Variants in MRI1 observed in about 807,000 individuals in gnomAD.
MRI1 encodes the protein methylthioribose-1-phosphate isomerase.
Under a neutral mutation model 27.3 loss-of-function variants are expected in MRI1, and 32 were observed. That is an observed-to-expected ratio of 1.17 (90% CI 0.88 to 1.57). The LOEUF (loss-of-function observed/expected upper bound fraction) is 1.57. Ranked by LOEUF, MRI1 falls within the 40% of genes most tolerant of loss-of-function variation. The pLI is 0.00. For missense variants in MRI1, 508 were observed against 516.1 expected (o/e 0.98, Z 0.15); for synonymous variants, 216 against 227.4 (o/e 0.95, Z 0.45).
chr19:13,771,550 A>T (rs1434104180), intron 5 of MRI1, among the ~76,000 whole-genome samples: 1 of 152,020 alleles, frequency 6.6e-6, no homozygotes, highest in East Asian at 1.9e-4. Context: ...AATAATAATT[A>T]AAAATAAAAC....
Position 13,768,453 on chromosome 19 carries a change from C to G in MRI1, c.548-108C>G, listed in dbSNP as rs748391191. ...CCTGGGCGGGACTGTGCTCGGTAAG[C>G]CTTTGGCAATCCACGCCCAGACTAG... is the stretch of plus-strand genomic sequence containing the variant. On this transcript the variant is annotated intron_variant, in intron 3 of 5. Coordinates refer to ENST00000040663, the MANE Select transcript of MRI1 (RefSeq NM_001031727.4). 1.3e-5 allele frequency: 21 copies of G among 1,568,750 alleles called. 1 individual carries two copies. The South Asian group carries it at 2.0e-4, about 15-fold the overall frequency.
At chr19:13,768,332 T>A in intron 3 of MRI1, 1 of 1,128,236 alleles carries the variant, frequency 8.9e-7, no homozygotes, top group Non-Finnish European at 1.3e-6. Context: ...CAGGGAAGGC[T>A]TCACCGAGAA....
rs373939622 is a variant in MRI1, at chr19:13,765,912, C to G, written c.372-42C>G. The G allele has an allele frequency of 2.0e-4, 308 of 1,549,520 alleles. 2 individuals carry two copies. In the South Asian group the frequency reaches 3.5e-3, roughly 18 times the overall value. ...AGAGAGGAGGCGTTGGCCTGGGCCC[C>G]GGGTCCTGGTGGCTGGTGCTGAAAA... On this transcript the variant is annotated intron_variant, in intron 2 of 5. Coordinates refer to ENST00000040663, the MANE Select transcript of MRI1 (RefSeq NM_001031727.4).
Position 13,769,029 on chromosome 19 carries a change from G to A in MRI1, c.930G>A (p.Gly310=), listed in dbSNP as rs763291249. The change falls in exon 5 of 6, where the codon GGG becomes GGA. Residue 310 remains glycine, a synonymous_variant. Transcript: ENST00000040663. Reference sequence around the variant, plus strand: ...GCCAGGAGCTGACCGATGTTAATGGGGTCCGGATTGCAGCACCTGGTAAGC... The same window carrying A: ...GCCAGGAGCTGACCGATGTTAATGGAGTCCGGATTGCAGCACCTGGTAAGC... ...RPGQELTDVN[G]VRIAAPGIGV... The A allele has an allele frequency of 2.5e-6, 4 of 1,610,234 alleles. No homozygotes were observed. The East Asian group carries it at 6.7e-5, about 27-fold the overall frequency.
intron 5 of MRI1, among the ~76,000 whole-genome samples, chr19:13,769,953 T>TC (rs906024343): frequency 6.6e-6 from 1 of 151,918 alleles, no homozygotes; most frequent in African/African-American, 2.4e-5. Context: ...GCAAGATATT[T>TC]CTACACTTAT....
rs1273220511 is a variant in MRI1, at chr19:13,769,877, A to G, written c.949+829A>G. Among the ~76,000 whole-genome samples the G allele has an allele frequency of 4.6e-5, 7 of 151,934 alleles. No homozygotes were observed. The East Asian group carries it at 1.4e-3, about 29-fold the overall frequency. On this transcript the variant is annotated intron_variant, in intron 5 of 5. Coordinates refer to ENST00000040663, the MANE Select transcript of MRI1 (RefSeq NM_001031727.4). ...GGAGGTTGTGGTGAGCTGAGATTAC[A>G]CCATTGCACTCCAGCCTGGGCAACA...
At chr19:13,771,600 G>A (rs535842312) in intron 5 of MRI1, among the ~76,000 whole-genome samples, 1 of 152,148 alleles carries the variant, frequency 6.6e-6, no homozygotes, top group Admixed American at 6.5e-5. Flanking sequence ...GGTGGCTCAC[G>A]CCTGTAATCC....
chr19:13,766,616 TAGGG>T (rs1974130451), intron 3 of MRI1, among the ~76,000 whole-genome samples: 1 of 152,040 alleles, frequency 6.6e-6, no homozygotes, highest in East Asian at 1.9e-4. Flanking sequence ...GAGTGGGCTG[TAGGG>T]GGCCAAGGCA....
chr19:13,766,185 C>A, intron 3 of MRI1, 56 bp downstream of exon 3: 4 of 1,451,970 alleles, frequency 2.8e-6, no homozygotes, highest in Non-Finnish European at 3.7e-6. Context: ...TTTTTAGATA[C>A]AAGAGAAAGA....
rs1301083286 is a variant in MRI1 at position 13,772,199 on chromosome 19, T to G, written c.1028T>G (p.Val343Gly). The G allele has an allele frequency of 6.2e-7, 1 of 1,613,804 alleles. No homozygotes were observed. The highest frequency in any genetic ancestry group is 8.5e-7 in the Non-Finnish European group (1 of 1,179,910). Reference sequence around the variant, plus strand: ...GGTGGCATCATCACAGAACTGGGGGTCTTTGCCCCTGAGGAGCTCCGGACA... The same window carrying G: ...GGTGGCATCATCACAGAACTGGGGGGCTTTGCCCCTGAGGAGCTCCGGACA... ...ITGGIITELG[V>G]FAPEELRTAL... The change falls in exon 6 of 6, where the codon GTC (valine) becomes GGC (glycine). Residue 343 changes from valine to glycine, a missense_variant. Val to Gly is a moderately radical substitution (Grantham distance 109). This residue lies in a region of MRI1 where 457 missense variants were observed against 452.8 expected (regional missense o/e 1.01). Transcript: ENST00000040663.
Position 13,764,542 on chromosome 19 carries a change from C to T in MRI1, c.-47C>T. 1.9e-6 allele frequency: 3 copies of T among 1,591,186 alleles called. No homozygotes were observed. The highest frequency in any genetic ancestry group is 1.1e-5 in the South Asian group (1 of 90,860). On this transcript the variant is annotated 5_prime_UTR_variant, in exon 1 of 6. Coordinates refer to ENST00000040663, the MANE Select transcript of MRI1 (RefSeq NM_001031727.4). ...GCCCCGCCCCGCTCCCAAGTGCGCG[C>T]GGACCCCTAGCTCCCTCTGAGTTGC...
rs766126995 is a variant in MRI1, at chr19:13,764,559, CTG to C, written c.-29_-28del. On this transcript the variant is annotated 5_prime_UTR_variant, in exon 1 of 6. Transcript: ENST00000040663. ...AGTGCGCGCGGACCCCTAGCTCCCTCTGAGTTGCGCTGGGCTTGGCTGCTGCA... is the reference window on the plus strand; with the variant it reads ...AGTGCGCGCGGACCCCTAGCTCCCTCAGTTGCGCTGGGCTTGGCTGCTGCA... 1.4e-5 allele frequency: 23 copies of C among 1,601,142 alleles called. No homozygotes were observed. Among genetic ancestry groups the C allele is most frequent in the Non-Finnish European group, 1.9e-5 (22 of 1,175,166 alleles).
chr19:13,771,651 C>T (rs902255309), intron 5 of MRI1, among the ~76,000 whole-genome samples: 3 of 152,196 alleles, frequency 2.0e-5, no homozygotes, highest in Middle Eastern at 3.4e-3. Flanking sequence ...CACCTGAGGT[C>T]GGGAGTTTGA....
In MRI1 at chr19:13,769,033, C is replaced by T. The variant is rs774857720; in HGVS notation, c.934C>T (p.Arg312Trp). Residue 312 changes from arginine to tryptophan, a missense_variant, in exon 5 of 6, where the codon CGG becomes TGG. Physicochemically the swap from Arg to Trp is moderately radical, Grantham distance 101 (BLOSUM62 -3). Transcript: ENST00000040663. Reference sequence around the variant, plus strand: ...GGAGCTGACCGATGTTAATGGGGTCCGGATTGCAGCACCTGGTAAGCTGCC... The same window carrying T: ...GGAGCTGACCGATGTTAATGGGGTCTGGATTGCAGCACCTGGTAAGCTGCC... ...GQELTDVNGV[R>W]IAAPGIGVWN... 3.7e-6 allele frequency: 6 copies of T among 1,608,842 alleles called. No homozygotes were observed. Among genetic ancestry groups the T allele is most frequent in the Admixed American group, 1.7e-5 (1 of 59,770 alleles).
rs777122398 is a variant in MRI1, at chr19:13,768,845, G to A, written c.746G>A (p.Arg249His). 13 of 1,610,004 alleles carry A rather than the reference G, an allele frequency of 8.1e-6. No individual in the cohort carries two copies. Among genetic ancestry groups the A allele is most frequent in the South Asian group, 2.2e-5 (2 of 90,994 alleles). Reference sequence around the variant, plus strand: ...CCAGCTGTGGTCGTGGGAGCTGACCGCGTGGTTGCCAACGGCGACACAGCC... The same window carrying A: ...CCAGCTGTGGTCGTGGGAGCTGACCACGTGGTTGCCAACGGCGACACAGCC... ...GVSAVVVGADRVVANGDTANK... is the reference protein window; with the variant it reads ...GVSAVVVGADHVVANGDTANK... The change falls in exon 5 of 6, where the codon CGC becomes CAC. Residue 249 changes from arginine to histidine, a missense_variant. By Grantham distance (29) the Arg-to-His change is conservative. Around this residue, in one of 3 missense-constraint regions of MRI1, gnomAD observed 457 missense variants for 452.8 expected, o/e 1.01. Coordinates refer to ENST00000040663, the MANE Select transcript of MRI1 (RefSeq NM_001031727.4).
Position 13,766,136 on chromosome 19 carries a change from G to A in MRI1, c.547+7G>A, listed in dbSNP as rs1178896094. ...GGCTATGGTACAGCCCTAGGTGAGA[G>A]GGCCTCCTCAGGGGGTAGGGGAGGG... On this transcript the variant is annotated splice_region_variant and intron_variant, in intron 3 of 5. Transcript: ENST00000040663. The A allele has an allele frequency of 6.5e-7, 1 of 1,533,160 alleles. No individual in the cohort carries two copies. Among genetic ancestry groups the A allele is most frequent in the Non-Finnish European group, 8.8e-7 (1 of 1,137,626 alleles). The allele number at this position is 1,533,160 out of a possible 1,614,324, so 95.0% of individuals were successfully genotyped here.
chr19:13,767,024 TA>T (rs1974141309), intron 3 of MRI1, among the ~76,000 whole-genome samples: 1 of 15,072 alleles, frequency 6.6e-5, no homozygotes, highest in Non-Finnish European at 1.4e-4. Context: ...TATATATATA[TA>T]TATATATATA....
At position 13,772,110 on chromosome 19, in the gene MRI1, C is replaced by G. The variant is rs915630629; in HGVS notation, c.950-11C>G. ...ATTCTTGCCTCCTTGCCTCCCCTCT[C>G]TCCCCTGCAGGGATTGGAGTTTGGA... On this transcript the variant is annotated splice_polypyrimidine_tract_variant and intron_variant, in intron 5 of 5. Coordinates refer to ENST00000040663, the MANE Select transcript of MRI1 (RefSeq NM_001031727.4). The G allele has an allele frequency of 5.6e-6, 9 of 1,595,868 alleles. No homozygotes were observed. In the African/African-American group the frequency reaches 6.7e-5, roughly 12 times the overall value.
At chr19:13,768,398 C>G in intron 3 of MRI1, 163 bp from the exon 4 acceptor site, 1 of 1,529,178 alleles carries the variant, frequency 6.5e-7, no homozygotes, top group Non-Finnish European at 8.9e-7. Context: ...AAGAGCATAC[C>G]AGGCAGAGGG....
Sources: allele counts gnomAD v4.1 joint callset (sites outside exome capture counted in the v4.1 genomes callset), GRCh38; gene constraint gnomAD v4.1.1; regional missense constraint gnomAD v4.1.1; transcripts MANE v1.5; gene names NCBI Gene and HGNC (gene_info 2026-07-23, HGNC 2026-07-21).